The following PRICKLE2 variants were observed in gnomAD, a reference collection of about 807,000 sequenced individuals.
The protein encoded by PRICKLE2 is prickle planar cell polarity protein 2.
Under a neutral mutation model 81.4 loss-of-function variants are expected in PRICKLE2, and 21 were observed. The ratio of observed to expected loss-of-function variants is 0.26; its 90% CI spans 0.18 to 0.37. The LOEUF is 0.37. Ranked by LOEUF, PRICKLE2 falls within the 10% of genes least tolerant of loss-of-function variation. PRICKLE2 has a pLI of 1.00. For synonymous variants in PRICKLE2, 456 were observed against 421.5 expected (o/e 1.08, Z -1.00); for missense variants, 940 against 1,109.0 (o/e 0.85, Z 2.16).
intron 2 of PRICKLE2, among the ~76,000 whole-genome samples, chr3:64,195,294 G>A (rs1257779374): frequency 1.3e-5 from 2 of 152,138 alleles, no homozygotes; most frequent in African/African-American, 4.8e-5. Context: ...TACAGCTAGT[G>A]CATTTTTATG....
At chr3:64,152,419 G>T (rs551753074) in intron 6 of PRICKLE2, among the ~76,000 whole-genome samples, 1 of 152,318 alleles carries the variant, frequency 6.6e-6, no homozygotes, top group Admixed American at 6.5e-5. Flanking sequence ...GCGTTAAAGG[G>T]TTGAACAAAT....
intron 2 of PRICKLE2, among the ~76,000 whole-genome samples, chr3:64,262,392 C>T (rs972343190): frequency 2.0e-5 from 3 of 151,976 alleles, no homozygotes; most frequent in Non-Finnish European, 4.4e-5. Flanking sequence ...AAAAAGTTAG[C>T]GCTATGTTTT....
chr3:64,218,683 A>G (rs17722440), intron 1 of PRICKLE2, among the ~76,000 whole-genome samples: 25,373 of 152,192 alleles, frequency 0.17, 2,409 homozygotes, highest in Non-Finnish European at 0.2. Flanking sequence ...AGATGGAGAA[A>G]CTGAGTCATG....
chr3:64,124,332 A>G (rs1285302890), intron 7 of PRICKLE2, among the ~76,000 whole-genome samples: 1 of 152,256 alleles, frequency 6.6e-6, no homozygotes, highest in African/African-American at 2.4e-5. Context: ...ATAACATAAA[A>G]GTGCAAGGTG....
Position 64,192,740 on chromosome 3 carries a change from C to T in PRICKLE2, c.144+6044G>A, listed in dbSNP as rs1176328125. 3.3e-5 allele frequency among the ~76,000 whole-genome samples: 5 copies of T among 152,166 alleles called. No individual in the cohort carries two copies. The South Asian group carries it at 8.3e-4, about 25-fold the overall frequency. ...TGGTATCTACCCTTCATCCTTCCTG[C>T]GACAGTTTGAAGTGAGAGTTGAGTG... On this transcript the variant is annotated intron_variant, in intron 2 of 7. Transcript: ENST00000638394.
In PRICKLE2 at chr3:64,095,953, A is replaced by C. The variant is rs1367301556; in HGVS notation, c.*3098T>G. 1 of 152,274 alleles carries C rather than the reference A, an allele frequency of 6.6e-6. No homozygotes were observed. The highest frequency in any genetic ancestry group is 1.5e-5 in the Non-Finnish European group (1 of 68,122). The allele number at this position is 152,274 out of a possible 1,614,324, so 9.4% of individuals were successfully genotyped here. ...GGAAAGCGCCCTGAATACCATCCTC[A>C]ATGCCACCTGGCTGCCAAGAAGCCT... is the stretch of plus-strand genomic sequence containing the variant. On this transcript the variant is annotated 3_prime_UTR_variant, in exon 8 of 8. Coordinates refer to ENST00000638394, the MANE Select transcript of PRICKLE2 (RefSeq NM_198859.4).
intron 2 of PRICKLE2, among the ~76,000 whole-genome samples, chr3:64,241,864 T>G (rs554946122): frequency 9.8e-4 from 150 of 152,306 alleles, no homozygotes; most frequent in African/African-American, 3.3e-3. Context: ...GAAAATGTTT[T>G]ATTTTGTTTT....
chr3:64,254,741 T>C (rs1047310510), intron 2 of PRICKLE2, among the ~76,000 whole-genome samples: 1 of 152,194 alleles, frequency 6.6e-6, no homozygotes, highest in Non-Finnish European at 1.5e-5. Context: ...TAAACCCACA[T>C]GTTTTGTTGA....
At chr3:64,235,185 G>C (rs1450299048) in intron 2 of PRICKLE2, among the ~76,000 whole-genome samples, 1 of 152,002 alleles carries the variant, frequency 6.6e-6, no homozygotes, top group Non-Finnish European at 1.5e-5. Flanking sequence ...TTTCATTCCA[G>C]TTATTATACT....
intron 7 of PRICKLE2, among the ~76,000 whole-genome samples, chr3:64,124,213 C>T (rs1240865518): frequency 6.6e-6 from 1 of 152,160 alleles, no homozygotes; most frequent in African/African-American, 2.4e-5. Context: ...CAGAGCAAGA[C>T]CCTAACTCTT....
In PRICKLE2 at chr3:64,097,505, CCAAGTGCTTCATTTTTAACTGAAG is replaced by C. The variant is rs1454133828; in HGVS notation, c.*1522_*1545del. ...AAGGGGAGGAGGAGGATGGAAGAAA[CCAAGTGCTTCATTTTTAACTGAAG>C]CAAGGTAGGGAGTTTTATTTTACTA... On this transcript the variant is annotated 3_prime_UTR_variant, in exon 8 of 8. Coordinates refer to ENST00000638394, the MANE Select transcript of PRICKLE2 (RefSeq NM_198859.4). The C allele has an allele frequency of 6.6e-6, 1 of 152,520 alleles. No individual in the cohort carries two copies. The highest frequency in any genetic ancestry group is 2.4e-5 in the African/African-American group (1 of 41,402). 9.4% of individuals were successfully genotyped at this position (152,520 alleles called of 1,614,324 possible).
intron 1 of PRICKLE2, among the ~76,000 whole-genome samples, chr3:64,211,016 G>A (rs1033884900): frequency 6.6e-5 from 10 of 152,218 alleles, no homozygotes; most frequent in African/African-American, 2.4e-4. Flanking sequence ...ACTCATTTCA[G>A]CTGAGGACCT....
rs1460293230 is a variant in PRICKLE2, at chr3:64,244,778, G to A, written c.129-45811C>T. Among the ~76,000 whole-genome samples, 3 of 152,146 alleles carry A rather than the reference G, an allele frequency of 2.0e-5. No individual in the cohort carries two copies. In the East Asian group the frequency reaches 5.8e-4, roughly 29 times the overall value. On this transcript the variant is annotated intron_variant, in intron 2 of 8. Transcript: ENST00000295902. ...CCAACATATAGCAGAAATATAGCAC[G>A]GTAATTGGGTCAAGTGGCTCATGGC...
At chr3:64,205,608 CA>C (rs146673446) in intron 1 of PRICKLE2, among the ~76,000 whole-genome samples, 2 of 151,234 alleles carry the variant, frequency 1.3e-5, no homozygotes, top group Non-Finnish European at 3.0e-5. Context: ...AGGATGAAGG[CA>C]AAAAAGGGAT....
chr3:64,118,866 A>T (rs62249888), intron 7 of PRICKLE2, among the ~76,000 whole-genome samples: 2 of 2,912 alleles, frequency 6.9e-4, no homozygotes, highest in African/African-American at 3.6e-3. Flanking sequence ...CCCAGCAAAT[A>T]AATATTATAT....
intron 2 of PRICKLE2, among the ~76,000 whole-genome samples, chr3:64,173,400 A>G (rs576912899): frequency 1.3e-5 from 2 of 152,330 alleles, no homozygotes; most frequent in Non-Finnish European, 2.9e-5. Flanking sequence ...AAGAACATAG[A>G]TAACAGTGGA....
intron 2 of PRICKLE2, among the ~76,000 whole-genome samples, chr3:64,242,043 G>A (rs1487010479): frequency 1.3e-5 from 2 of 152,098 alleles, no homozygotes; most frequent in Non-Finnish European, 2.9e-5. Context: ...TAGCTGAAGG[G>A]TTCTTTGGGA....
chr3:64,185,787 G>A (rs1387904828), intron 2 of PRICKLE2, among the ~76,000 whole-genome samples: 1 of 152,074 alleles, frequency 6.6e-6, no homozygotes, highest in African/African-American at 2.4e-5. Flanking sequence ...ACTTTATCGA[G>A]GTATCAACAT....
intron 2 of PRICKLE2, among the ~76,000 whole-genome samples, chr3:64,171,137 C>A (rs528039753): frequency 6.6e-6 from 1 of 152,224 alleles, no homozygotes; most frequent in Admixed American, 6.5e-5. Flanking sequence ...AGGTTATTCC[C>A]CCAGATATTT....
Sources: gnomAD v4.1 joint callset for allele counts (sites outside exome capture counted in the v4.1 genomes callset) on GRCh38, gnomAD v4.1.1 for gene constraint, MANE v1.5 for transcripts, NCBI Gene and HGNC (gene_info 2026-07-23, HGNC 2026-07-21) for gene names.